GRB10: variants seen among roughly 807,000 people sequenced by gnomAD.
GRB10 encodes the protein growth factor receptor bound protein 10, also known as growth factor receptor-bound protein 10.
In GRB10, 20 loss-of-function variants were observed where a neutral mutation model predicts 80.9. The ratio of observed to expected loss-of-function variants is 0.25; its 90% CI spans 0.17 to 0.36. GRB10 has a LOEUF of 0.36. Ranked by LOEUF, GRB10 falls within the 10% of genes least tolerant of loss-of-function variation. The pLI is 1.00. For synonymous variants in GRB10, 291 were observed against 291.5 expected, an observed-to-expected ratio of 1.00 and a Z score of 0.02; for missense variants, 548 against 747.7, an observed-to-expected ratio of 0.73 and a Z score of 3.12.
chr7:50,727,014 A>C (rs1024445088), intron 4 of GRB10: 1 of 152,220 alleles, frequency 6.6e-6, no homozygotes, highest in African/African-American at 2.4e-5. Flanking sequence ...GCAGGAGAGA[A>C]AATCCAAGTA....
intron 6 of GRB10, among the ~76,000 whole-genome samples, chr7:50,672,334 G>A (rs2060453571): frequency 6.6e-6 from 1 of 152,216 alleles, no homozygotes; most frequent in South Asian, 2.1e-4. Flanking sequence ...GCTGGGAAGC[G>A]AGGGTAACCC....
chr7:50,672,934 A>G (rs562553084), intron 6 of GRB10, among the ~76,000 whole-genome samples: 1 of 152,350 alleles, frequency 6.6e-6, no homozygotes, highest in Admixed American at 6.5e-5. Flanking sequence ...TTCAGCATCA[A>G]TGAATATGAC....
At chr7:50,644,527 C>T (rs185204501) in intron 7 of GRB10, among the ~76,000 whole-genome samples, 1 of 152,282 alleles carries the variant, frequency 6.6e-6, no homozygotes, top group South Asian at 2.1e-4. Flanking sequence ...TTTATCAGGA[C>T]AACTTCTCCT....
Position 50,657,194 on chromosome 7 carries a change from G to A in GRB10, c.504+12528C>T, listed in dbSNP as rs192069747. ...CTTTACTAAAACCTGATAAAATGCC[G>A]AGGGGCCAGGAACTCGACCAAACTC... On this transcript the variant is annotated intron_variant, in intron 7 of 18. Coordinates refer to ENST00000401949, the MANE Select transcript of GRB10 (RefSeq NM_001350814.2). Among the ~76,000 whole-genome samples, 18 of 152,268 alleles carry A rather than the reference G, an allele frequency of 1.2e-4. No individual in the cohort carries two copies. The South Asian group carries it at 1.2e-3, about 11-fold the overall frequency.
chr7:50,656,225 C>A (rs1316543240), intron 7 of GRB10, among the ~76,000 whole-genome samples: 1 of 152,188 alleles, frequency 6.6e-6, no homozygotes, highest in East Asian at 1.9e-4. Context: ...GAGATGTGCA[C>A]ACATGTGAGG....
At position 50,674,476 on chromosome 7, in the gene GRB10, T is replaced by A. The variant is rs746894441; in HGVS notation, c.322A>T (p.Arg108Trp). 6.2e-7 allele frequency: 1 copy of A among 1,607,924 alleles called. No homozygotes were observed. The highest frequency in any genetic ancestry group is 8.5e-7 in the Non-Finnish European group (1 of 1,180,004). The part of the protein sequence containing the change: ...SIQPQVSPRQ[R>W]VQRSQPVHIL... ...TGCACAGGCTGGGAGCGCTGCACCC[T>A]CTGCCTCGGGGACACCTGTGGCTGG... The change falls in exon 6 of 19, where the codon AGG (arginine) becomes TGG (tryptophan). Residue 108 changes from arginine (R) to tryptophan (W), a missense_variant. Physicochemically the swap from Arg to Trp is moderately radical, Grantham distance 101. This residue lies in a region of GRB10 where 245 missense variants were observed against 229.3 expected (regional missense o/e 1.07). Coordinates refer to ENST00000401949, the MANE Select transcript of GRB10 (RefSeq NM_001350814.2).
intron 2 of GRB10, among the ~76,000 whole-genome samples, chr7:50,773,052 A>C (rs998359080): frequency 6.6e-6 from 1 of 152,146 alleles, no homozygotes. Context: ...GTGGCTGAGG[A>C]GGCCTCAAAA....
intron 2 of GRB10, among the ~76,000 whole-genome samples, chr7:50,759,126 G>A (rs1356724728): frequency 1.3e-5 from 2 of 150,582 alleles, no homozygotes; most frequent in African/African-American, 2.4e-5. Flanking sequence ...CCAGGAAGTC[G>A]AGGCTGCAGT....
intron 4 of GRB10, among the ~76,000 whole-genome samples, chr7:50,705,585 C>T (rs1422945912): frequency 1.3e-5 from 2 of 152,176 alleles, no homozygotes; most frequent in African/African-American, 4.8e-5. Flanking sequence ...TTGTAGAGAA[C>T]ATGCATACTC....
Position 50,768,880 on chromosome 7 carries a change from T to G in GRB10, c.-217+11747A>C, listed in dbSNP as rs58452966. Among the ~76,000 whole-genome samples, 389 of 152,328 alleles carry G rather than the reference T, an allele frequency of 2.6e-3. 3 individuals are homozygous for G. The highest frequency in any genetic ancestry group is 8.9e-3 in the African/African-American group (372 of 41,570). Reference sequence around the variant, plus strand: ...TTAGTTCTAGCTATTCTCAAATCATTGGCCAAAGAACAGCTCCTCCTTTTC... The same window carrying G: ...TTAGTTCTAGCTATTCTCAAATCATGGGCCAAAGAACAGCTCCTCCTTTTC... On this transcript the variant is annotated intron_variant, in intron 2 of 18. Coordinates refer to ENST00000401949, the MANE Select transcript of GRB10 (RefSeq NM_001350814.2).
chr7:50,681,390 T>C (rs2061527778), intron 5 of GRB10, among the ~76,000 whole-genome samples: 1 of 152,236 alleles, frequency 6.6e-6, no homozygotes, highest in African/African-American at 2.4e-5. Flanking sequence ...GGCCTCCTCT[T>C]AGTCCCAACT....
At chr7:50,678,423 A>G (rs967093628) in intron 5 of GRB10, among the ~76,000 whole-genome samples, 1 of 152,232 alleles carries the variant, frequency 6.6e-6, no homozygotes, top group Non-Finnish European at 1.5e-5. Context: ...TCAAACCTTC[A>G]TACTTTCCAG....
intron 5 of GRB10, among the ~76,000 whole-genome samples, chr7:50,692,234 T>A (rs1209018313): frequency 3.3e-5 from 5 of 152,110 alleles, no homozygotes; most frequent in Non-Finnish European, 7.3e-5. Flanking sequence ...GCCTTGAGCA[T>A]CCTTGGATTT....
intron 13 of GRB10, among the ~76,000 whole-genome samples, chr7:50,607,992 A>T (rs1198832016): frequency 6.6e-6 from 1 of 152,210 alleles, no homozygotes; most frequent in Non-Finnish European, 1.5e-5. Context: ...TAAGATAAAA[A>T]TACCTAGAAC....
chr7:50,649,241 T>G (rs2057678510), intron 7 of GRB10, among the ~76,000 whole-genome samples: 1 of 152,090 alleles, frequency 6.6e-6, no homozygotes, highest in African/African-American at 2.4e-5. Context: ...CAGGAGACAG[T>G]GAACAACACG....
Position 50,604,863 on chromosome 7 carries a change from G to C in GRB10, c.1389+427C>G, listed in dbSNP as rs1272688028. 1.7e-5 allele frequency: 5 copies of C among 287,762 alleles called. 1 individual carries two copies. Among genetic ancestry groups the C allele is most frequent in the African/African-American group, 1.1e-4 (5 of 45,640 alleles). The allele number at this position is 287,762 out of a possible 1,614,324, so 17.8% of individuals were successfully genotyped here. ...AGCCGAGTGATAGTCTTCCCACCTG[G>C]AGATTAAGAACCTAAGCCTCAGGGG... On this transcript the variant is annotated intron_variant, in intron 15 of 18. Coordinates refer to ENST00000401949, the MANE Select transcript of GRB10 (RefSeq NM_001350814.2).
Position 50,732,278 on chromosome 7 carries a change from G to A in GRB10, c.45C>T (p.Tyr15=). 2 of 1,614,004 alleles carry A rather than the reference G, an allele frequency of 1.2e-6. No homozygotes were observed. The highest frequency in any genetic ancestry group is 1.7e-6 in the Non-Finnish European group (2 of 1,179,926). ...GCPDSFLHHP[Y]YQDKVEQTPR... ...TATATGTGCTCGCCCATACCTGGTAGTACGGATGGTGCAAAAAGGAATCTG... is the reference window on the plus strand; with the variant it reads ...TATATGTGCTCGCCCATACCTGGTAATACGGATGGTGCAAAAAGGAATCTG... The change falls in exon 4 of 19, where the codon TAC becomes TAT. Residue 15 remains tyrosine, a synonymous_variant. Transcript: ENST00000401949.
chr7:50,666,308 G>T (rs1460524547), intron 7 of GRB10, among the ~76,000 whole-genome samples: 1 of 152,212 alleles, frequency 6.6e-6, no homozygotes, highest in Non-Finnish European at 1.5e-5. Flanking sequence ...CCGGCCCGTT[G>T]TAGGGGCTCA....
intron 4 of GRB10, chr7:50,705,298 T>C (rs1563522626): frequency 7.1e-6 from 7 of 985,706 alleles, no homozygotes; most frequent in Non-Finnish European, 7.2e-6. Context: ...GAGGCAAAGT[T>C]GCGTTCACAC....
Sources: gnomAD v4.1 joint callset for allele counts (sites outside exome capture counted in the v4.1 genomes callset) on GRCh38, gnomAD v4.1.1 for gene constraint, gnomAD v4.1.1 regional missense constraint, MANE v1.5 for transcripts, NCBI Gene and HGNC (gene_info 2026-07-23, HGNC 2026-07-21) for gene names.